COXFA4L2: variants seen among roughly 807,000 people sequenced by gnomAD.
COXFA4L2 encodes the protein cytochrome c oxidase hypoxia associated subunit FA4L2, also known as NADH dehydrogenase (ubiquinone) 1 alpha subcomplex, 4-like 2.
At chr12:57,237,319 C>T in the COXFA4L2 span, 5 of 1,423,696 alleles carry the variant, frequency 3.5e-6, no homozygotes, top group South Asian at 7.7e-5. Context: ...CCGACTCTCT[C>T]CTCCAGATGT....
the COXFA4L2 span, chr12:57,237,928 GAC>G: frequency 6.5e-6 from 1 of 154,428 alleles, no homozygotes; most frequent in Non-Finnish European, 1.5e-5. Flanking sequence ...AAGAGAACAA[GAC>G]ACAGACACAG....
At chr12:57,236,407 A>T in the COXFA4L2 span, 2 of 538,418 alleles carry the variant, frequency 3.7e-6, no homozygotes, top group South Asian at 5.5e-5. Context: ...CTGAGGAGTG[A>T]GCGGCCAGGT....
chr12:57,236,740 C>T, the COXFA4L2 span: 15 of 1,464,418 alleles, frequency 1.0e-5, no homozygotes, highest in Non-Finnish European at 1.4e-5. Flanking sequence ...TTCCCAGTCA[C>T]CCTTTACAAG....
At chr12:57,236,532 C>T in the COXFA4L2 span, 2 of 1,415,096 alleles carry the variant, frequency 1.4e-6, no homozygotes, top group Non-Finnish European at 1.9e-6. Context: ...CTAGGGCCGC[C>T]TATTTCCACC....
At chr12:57,235,626 G>C in the COXFA4L2 span, 692 of 1,614,188 alleles carry the variant, frequency 4.3e-4, no homozygotes, top group Non-Finnish European at 5.1e-4. Context: ...GGAACTAAGA[G>C]GAGAGGGAAA....
chr12:57,239,901 T>C, the COXFA4L2 span: 1 of 152,446 alleles, frequency 6.6e-6, no homozygotes, highest in South Asian at 2.1e-4. The surrounding 1 kb of genome is among the most constrained non-coding windows in gnomAD (Gnocchi z 5.5). Context: ...CCCAGCTCTA[T>C]TCCTATTCTC....
At chr12:57,236,136 G>A in the COXFA4L2 span, 1 of 348,988 alleles carries the variant, frequency 2.9e-6, no homozygotes. Context: ...ATCCCAAGGG[G>A]CTGGGTTTCT....
the COXFA4L2 span, chr12:57,240,628 G>T: frequency 1.6e-5 from 16 of 978,408 alleles, no homozygotes; most frequent in African/African-American, 2.6e-4. Context: ...ACGCCGCCGC[G>T]CGGCTCACAC....
At chr12:57,235,199 G>A in the COXFA4L2 span, 2 of 293,560 alleles carry the variant, frequency 6.8e-6, no homozygotes, top group Middle Eastern at 1.0e-3. Flanking sequence ...TTGGCACTCA[G>A]AGGCCCCTGC....
the COXFA4L2 span, chr12:57,236,135 G>A: frequency 2.9e-6 from 1 of 349,662 alleles, no homozygotes. Context: ...GATCCCAAGG[G>A]GCTGGGTTTC....
At chr12:57,237,324 A>G in the COXFA4L2 span, 1 of 1,421,010 alleles carries the variant, frequency 7.0e-7, no homozygotes, top group Non-Finnish European at 9.2e-7. Context: ...TCTCTCCTCC[A>G]GATGTCTGCA....
At chr12:57,237,084 A>G in the COXFA4L2 span, 2 of 1,614,182 alleles carry the variant, frequency 1.2e-6, no homozygotes, top group Admixed American at 1.7e-5. Context: ...GGCTCCTGCC[A>G]TATCGTTGTT....
At chr12:57,235,840 C>T in the COXFA4L2 span, 2 of 1,511,082 alleles carry the variant, frequency 1.3e-6, no homozygotes, top group Non-Finnish European at 1.8e-6. Flanking sequence ...GGGTTAGGGT[C>T]TCCTCCCTGG....
the COXFA4L2 span, chr12:57,236,377 G>C: frequency 2.2e-5 from 11 of 493,034 alleles, no homozygotes; most frequent in African/African-American, 4.0e-5. Context: ...CGCGGGTTCC[G>C]CATTTCAGGG....
chr12:57,238,153 CCTGTGGAGGGCGCGGGCGGGAGCGAGCT>C, the COXFA4L2 span, among the ~76,000 whole-genome samples: 2 of 152,082 alleles, frequency 1.3e-5, no homozygotes, highest in Admixed American at 1.3e-4. This position sits in a 1 kb window ranked among gnomAD's most constrained non-coding sequence, Gnocchi z 6.8. Context: ...CAGAGCCCGC[CCTGTGGAGGGCGCGGGCGGGAGCGAGCT>C]ATGCACCCGT....
the COXFA4L2 span, chr12:57,235,243 G>C: frequency 6.6e-6 from 3 of 455,694 alleles, no homozygotes; most frequent in Non-Finnish European, 1.2e-5. Flanking sequence ...CGCTCAACAC[G>C]TAGCCTGTGC....
chr12:57,235,740 G>C, the COXFA4L2 span: 1 of 1,604,472 alleles, frequency 6.2e-7, no homozygotes, highest in Non-Finnish European at 8.5e-7. Context: ...TAGAGCCATC[G>C]AGAGGTACCT....
At chr12:57,236,820 CCTGGCA>C in the COXFA4L2 span, 7 of 897,792 alleles carry the variant, frequency 7.8e-6, no homozygotes, top group Non-Finnish European at 1.2e-5. Context: ...AACCATATTT[CCTGGCA>C]TGGTCTCCCT....
the COXFA4L2 span, chr12:57,240,244 C>T: frequency 6.6e-6 from 1 of 152,124 alleles, no homozygotes; most frequent in Non-Finnish European, 1.5e-5. Context: ...CAAAGCCGCC[C>T]GCGCCATCTG....
Sources: gnomAD v4.1 joint callset for allele counts (sites outside exome capture counted in the v4.1 genomes callset) on GRCh38, gnomAD v4.1.1 for gene constraint, Gnocchi (gnomAD v3.1) non-coding constraint, MANE v1.5 for transcripts, NCBI Gene and HGNC (gene_info 2026-07-23, HGNC 2026-07-21) for gene names.